The following TEX2 variants were observed in gnomAD, a reference collection of about 807,000 sequenced individuals.
TEX2 encodes the protein testis expressed 2.
A neutral mutation model predicts 106.9 loss-of-function variants in TEX2; 53 were observed. That is an observed-to-expected ratio of 0.50 (90% CI 0.40 to 0.62). TEX2 has a LOEUF of 0.62. Among genes scored for constraint, TEX2 ranks in the 20% least tolerant of loss-of-function variants. TEX2 has a pLI of 0.00. For synonymous variants in TEX2, 523 were observed against 534.8 expected, an observed-to-expected ratio of 0.98 and a Z score of 0.30; for missense variants, 1,207 against 1,379.0, an observed-to-expected ratio of 0.88 and a Z score of 1.98.
chr17:64,198,769 G>A (rs944128106), intron 2 of TEX2, among the ~76,000 whole-genome samples: 2 of 151,954 alleles, frequency 1.3e-5, no homozygotes, highest in Non-Finnish European at 2.9e-5. Flanking sequence ...AATATTTTTC[G>A]TTATTTCCAG....
intron 11 of TEX2, 89 bp downstream of exon 11, chr17:64,150,752 G>A: frequency 1.4e-6 from 2 of 1,416,656 alleles, no homozygotes; most frequent in Non-Finnish European, 9.5e-7. Context: ...TTTCAAAAGA[G>A]GATCCTGACC....
intron 1 of TEX2, among the ~76,000 whole-genome samples, chr17:64,253,115 G>C (rs1416355352): frequency 6.6e-6 from 1 of 152,150 alleles, no homozygotes; most frequent in Non-Finnish European, 1.5e-5. Context: ...CAGAGAGTTT[G>C]AGCAAGGATG....
intron 1 of TEX2, among the ~76,000 whole-genome samples, chr17:64,215,903 G>A (rs555586839): frequency 2.0e-5 from 3 of 152,232 alleles, no homozygotes; most frequent in Admixed American, 1.3e-4. Context: ...GGAATAAGGG[G>A]GTTTGGGAAA....
At chr17:64,232,197 T>C (rs1297911166) in intron 1 of TEX2, among the ~76,000 whole-genome samples, 2 of 152,246 alleles carry the variant, frequency 1.3e-5, no homozygotes, top group Non-Finnish European at 1.5e-5. Context: ...AGGAGGCTTA[T>C]AGAGACTAAG....
chr17:64,262,713 G>A (rs955517647), intron 1 of TEX2, among the ~76,000 whole-genome samples: 1 of 152,230 alleles, frequency 6.6e-6, no homozygotes, highest in African/African-American at 2.4e-5. Context: ...AAAAACCACC[G>A]GGGCGCATAC....
intron 1 of TEX2, among the ~76,000 whole-genome samples, chr17:64,218,488 G>T (rs367749468): frequency 6.8e-6 from 1 of 146,724 alleles, no homozygotes; most frequent in African/African-American, 2.6e-5. Flanking sequence ...GCACAATCTC[G>T]GCTCATTGCA....
At chr17:64,220,854 T>C (rs781789938) in intron 1 of TEX2, among the ~76,000 whole-genome samples, 2 of 152,152 alleles carry the variant, frequency 1.3e-5, no homozygotes, top group Non-Finnish European at 1.5e-5. Flanking sequence ...TTACTGGGTA[T>C]ATACCCAAAG....
chr17:64,213,833 T>C lies in TEX2; in HGVS notation c.385A>G (p.Thr129Ala). 6.2e-7 allele frequency: 1 copy of C among 1,614,206 alleles called. No individual in the cohort carries two copies. Among genetic ancestry groups the C allele is most frequent in the East Asian group, 2.2e-5 (1 of 44,878 alleles). The change falls in exon 2 of 12, where the codon ACA becomes GCA. Residue 129 changes from threonine (T) to alanine (A), a missense_variant. Around this residue, in one of 3 missense-constraint regions of TEX2, gnomAD observed 1,067 missense variants for 1,193.6 expected, o/e 0.89. Transcript: ENST00000584379. This position sits in a 1 kb window ranked among gnomAD's most constrained non-coding sequence, Gnocchi z 4.4. ...SPVPAAQVLS[T>A]VPLAVSPGSS... is the part of the protein sequence containing the mutation. ...CCTGGGGACACAGCCAATGGCACTG[T>C]ACTTAATACTTGTGCTGCTGGAACA...
intron 10 of TEX2, among the ~76,000 whole-genome samples, chr17:64,151,227 C>T (rs895066514): frequency 6.6e-6 from 1 of 152,116 alleles, no homozygotes. Context: ...AGTCCATGAC[C>T]TGGGCATTGG....
chr17:64,155,179 C>A, intron 8 of TEX2: 1 of 474,922 alleles, frequency 2.1e-6, no homozygotes, highest in Non-Finnish European at 3.4e-6. Context: ...CACTCTTCAG[C>A]ACCAAGGCCT....
intron 8 of TEX2, chr17:64,156,296 C>G (rs2030625153): frequency 6.6e-6 from 1 of 152,298 alleles, no homozygotes. Flanking sequence ...CGGACTGTGT[C>G]CTCCCTGGCA....
chr17:64,152,135 G>A (rs2030387860), intron 10 of TEX2, among the ~76,000 whole-genome samples: 1 of 152,080 alleles, frequency 6.6e-6, no homozygotes, highest in Admixed American at 6.5e-5. Context: ...ATAGAACAGA[G>A]CTATATTTTT....
At position 64,217,066 on chromosome 17, in the gene TEX2, C is replaced by A. The variant is rs545145096; in HGVS notation, c.-25-2824G>T. On this transcript the variant is annotated intron_variant, in intron 1 of 11. Transcript: ENST00000584379. The surrounding 1 kb of genome is among the most constrained non-coding windows in gnomAD (Gnocchi z 4.3). ...GAGCATCACTACTGCTCTTTAAATA[C>A]AAGAAAATGTCCAGGCTTCTGTTTG... 2.2e-4 allele frequency among the ~76,000 whole-genome samples: 34 copies of A among 152,300 alleles called. No individual in the cohort carries two copies. Among genetic ancestry groups the A allele is most frequent in the Non-Finnish European group, 3.4e-4 (23 of 68,024 alleles).
chr17:64,180,954 G>T (rs2031828163), intron 5 of TEX2, among the ~76,000 whole-genome samples: 1 of 152,166 alleles, frequency 6.6e-6, no homozygotes, highest in Non-Finnish European at 1.5e-5. Context: ...GTACCGCCAG[G>T]GGGGTTGCAC....
At chr17:64,222,538 C>CAAAAAAAAAAAAAAAAAAAAAAA (rs2033389087) in intron 1 of TEX2, among the ~76,000 whole-genome samples, 1 of 134,552 alleles carries the variant, frequency 7.4e-6, no homozygotes, top group African/African-American at 2.7e-5. Context: ...AAAAAAAAAG[C>CAAAAAAAAAAAAAAAAAAAAAAA]AAAAATTGGA....
intron 1 of TEX2, among the ~76,000 whole-genome samples, chr17:64,255,118 G>T (rs1284682557): frequency 6.7e-6 from 1 of 149,386 alleles, no homozygotes; most frequent in Non-Finnish European, 1.5e-5. Flanking sequence ...CTCCACTTCG[G>T]TCTCCCAAAG....
At chr17:64,223,563 T>C (rs945883063) in intron 1 of TEX2, among the ~76,000 whole-genome samples, 8 of 151,952 alleles carry the variant, frequency 5.3e-5, no homozygotes, top group African/African-American at 1.9e-4. Flanking sequence ...GCCATGAATA[T>C]TATTTACTTC....
At position 64,213,390 on chromosome 17, in the gene TEX2, G is replaced by C. The variant is rs782772126; in HGVS notation, c.828C>G (p.Ser276=). The change falls in exon 2 of 12, where the codon TCC becomes TCG. Residue 276 remains serine, a synonymous_variant. Transcript: ENST00000584379. The surrounding 1 kb of genome is among the most constrained non-coding windows in gnomAD (Gnocchi z 4.4). ...CCTCCATTTCGGGCACTTTAAAAAA[G>C]GAACGAGTATCAGAGGGAGAAGTCA... ...SPLTSPSDTR[S]FFKVPEMEAK... 20 of 1,613,890 alleles carry C rather than the reference G, an allele frequency of 1.2e-5. No individual in the cohort carries two copies. In the East Asian group the frequency reaches 4.2e-4, roughly 34 times the overall value.
rs199783794 is a variant in TEX2, at chr17:64,205,663, A to ATT, written c.1644+6909_1644+6910dup. On this transcript the variant is annotated intron_variant, in intron 2 of 11. Transcript: ENST00000584379. The surrounding 1 kb of genome is among the most constrained non-coding windows in gnomAD (Gnocchi z 4.0). Reference sequence around the variant, plus strand: ...AAATTGATCATGTCCTCCCCCCAAAATTATTCTTTTATATATCAAAACCAA... The same window carrying ATT: ...AAATTGATCATGTCCTCCCCCCAAAATTTTATTCTTTTATATATCAAAACCAA... Among the ~76,000 whole-genome samples, 1,636 of 152,276 alleles carry ATT rather than the reference A, an allele frequency of 0.011. 12 individuals are homozygous for ATT. Among genetic ancestry groups the ATT allele is most frequent in the Middle Eastern group, 0.027 (8 of 294 alleles).
Sources: gnomAD v4.1 joint callset for allele counts (sites outside exome capture counted in the v4.1 genomes callset) on GRCh38, gnomAD v4.1.1 for gene constraint, gnomAD v4.1.1 regional missense constraint, Gnocchi (gnomAD v3.1) non-coding constraint, MANE v1.5 for transcripts, NCBI Gene and HGNC (gene_info 2026-07-23, HGNC 2026-07-21) for gene names.